Variants in SLC25A37 observed in about 807,000 individuals in gnomAD.
The protein encoded by SLC25A37 is solute carrier family 25 member 37, also known as mitoferrin-1.
In SLC25A37, 17 loss-of-function variants were observed where a neutral mutation model predicts 31.0. That is an observed-to-expected ratio of 0.55 (90% CI 0.38 to 0.82). SLC25A37 has a LOEUF of 0.82. SLC25A37 is among the 40% of genes least tolerant of loss of function. The pLI is 0.00. For missense variants in SLC25A37, 404 were observed against 465.8 expected (o/e 0.87, Z 1.22); for synonymous variants, 222 against 193.0 (o/e 1.15, Z -1.24).
chr8:23,566,814 G>A (rs1455208225), intron 2 of SLC25A37: 1 of 986,194 alleles, frequency 1.0e-6, no homozygotes, highest in Non-Finnish European at 1.2e-6. Context: ...GCTTTAAAAG[G>A]TCAAGAAGTT....
At chr8:23,544,656 G>A (rs1801988707) in intron 1 of SLC25A37, among the ~76,000 whole-genome samples, 1 of 152,170 alleles carries the variant, frequency 6.6e-6, no homozygotes, top group Non-Finnish European at 1.5e-5. Flanking sequence ...ATCTAGACCT[G>A]AAGGAGATGT....
intron 1 of SLC25A37, among the ~76,000 whole-genome samples, chr8:23,543,769 GTTT>G (rs371175307): frequency 0.03 from 4,528 of 151,918 alleles, 80 homozygotes; most frequent in South Asian, 0.051. Flanking sequence ...TCCTGACCTT[GTTT>G]TGATCTGCTT....
chr8:23,556,456 C>A (rs1166331384), intron 1 of SLC25A37, among the ~76,000 whole-genome samples: 2 of 151,968 alleles, frequency 1.3e-5, no homozygotes, highest in Admixed American at 6.6e-5. Context: ...GAATTCCTGG[C>A]AGCAAGTGAT....
intron 1 of SLC25A37, among the ~76,000 whole-genome samples, chr8:23,551,553 A>G (rs1802225213): frequency 6.6e-6 from 1 of 151,964 alleles, no homozygotes; most frequent in South Asian, 2.1e-4. Flanking sequence ...ATTGCTAAGA[A>G]TGACGTCTTT....
intron 1 of SLC25A37, among the ~76,000 whole-genome samples, chr8:23,544,558 G>T (rs1449160153): frequency 6.6e-6 from 1 of 152,148 alleles, no homozygotes; most frequent in Non-Finnish European, 1.5e-5. Flanking sequence ...TTCCTTTCAG[G>T]AGTGATGAGC....
At chr8:23,545,132 G>A (rs1460990600) in intron 1 of SLC25A37, among the ~76,000 whole-genome samples, 1 of 152,214 alleles carries the variant, frequency 6.6e-6, no homozygotes, top group African/African-American at 2.4e-5. Flanking sequence ...CCTGGTCCAG[G>A]TCACAACTTG....
chr8:23,568,296 G>T (rs1221651253), intron 2 of SLC25A37, 26 bp from the exon 3 acceptor site: 1 of 1,613,510 alleles, frequency 6.2e-7, no homozygotes, highest in Non-Finnish European at 8.5e-7. Context: ...ATCGCAGAGG[G>T]TAATTTTCTG....
intron 1 of SLC25A37, among the ~76,000 whole-genome samples, chr8:23,565,433 T>C (rs1470069278): frequency 1.3e-5 from 2 of 152,110 alleles, no homozygotes; most frequent in Non-Finnish European, 2.9e-5. Context: ...TGCTGCTGTG[T>C]CTGTGGAGTA....
At chr8:23,546,531 GTA>G (rs1251864600) in intron 1 of SLC25A37, among the ~76,000 whole-genome samples, 3,108 of 36,356 alleles carry the variant, frequency 0.085, 103 homozygotes, top group African/African-American at 0.11. Context: ...ATATATAGGT[GTA>G]TATATATATA....
chr8:23,566,304 T>G lies in SLC25A37; in HGVS notation c.407T>G (p.Phe136Cys), dbSNP rs1585202418. Residue 136 changes from phenylalanine (F) to cysteine (C), a missense_variant, in exon 2 of 4, where the codon TTC becomes TGC. This residue lies in a region of SLC25A37 where 243 missense variants were observed against 284.4 expected (regional missense o/e 0.85). Coordinates refer to ENST00000519973, the MANE Select transcript of SLC25A37 (RefSeq NM_016612.4). ...ATGAAAAGGACTTTAAATGACGTTT[T>G]CCACCACCAAGGAAACAGCCACCTA... ...ENMKRTLNDV[F>C]HHQGNSHLAN... is the part of the protein sequence containing the mutation. The G allele has an allele frequency of 6.3e-7, 1 of 1,594,320 alleles. No individual in the cohort carries two copies. The highest frequency in any genetic ancestry group is 2.3e-5 in the East Asian group (1 of 43,506).
At chr8:23,555,861 G>A (rs1054533457) in intron 1 of SLC25A37, among the ~76,000 whole-genome samples, 6 of 152,228 alleles carry the variant, frequency 3.9e-5, no homozygotes, top group African/African-American at 1.2e-4. Context: ...TGACCTGAAC[G>A]CTGAAGGAAG....
In SLC25A37 at chr8:23,529,526, T is replaced by TC; in HGVS notation, c.210+317dup. Among the ~76,000 whole-genome samples the TC allele has an allele frequency of 6.6e-6, 1 of 152,108 alleles. No individual in the cohort carries two copies. Among genetic ancestry groups the TC allele is most frequent in the African/African-American group, 2.4e-5 (1 of 41,532 alleles). ...CCGCTGGCTTCGGCGGCGACTGGGC[T>TC]CCCGGGGGACGCGATCGCTGAAGCT... On this transcript the variant is annotated intron_variant, in intron 1 of 3. Coordinates refer to ENST00000519973, the MANE Select transcript of SLC25A37 (RefSeq NM_016612.4). The surrounding 1 kb of genome is among the most constrained non-coding windows in gnomAD (Gnocchi z 4.1).
chr8:23,536,383 C>T (rs186498137), intron 1 of SLC25A37, among the ~76,000 whole-genome samples: 3 of 152,308 alleles, frequency 2.0e-5, no homozygotes, highest in Admixed American at 2.0e-4. Flanking sequence ...ACTGCCCAGC[C>T]GCAGCCTCAC....
intron 1 of SLC25A37, among the ~76,000 whole-genome samples, chr8:23,541,169 A>G (rs1202476872): frequency 6.6e-6 from 1 of 152,024 alleles, no homozygotes; most frequent in Non-Finnish European, 1.5e-5. Flanking sequence ...GGTAATGTAG[A>G]CAGGGGATAG....
chr8:23,534,359 A>G (rs1182897343), intron 1 of SLC25A37, among the ~76,000 whole-genome samples: 1 of 152,140 alleles, frequency 6.6e-6, no homozygotes, highest in Non-Finnish European at 1.5e-5. Context: ...TTGGGGTTCA[A>G]ATTCCAGTCT....
intron 1 of SLC25A37, among the ~76,000 whole-genome samples, chr8:23,554,053 GAT>G (rs10591568): frequency 0.47 from 70,527 of 151,522 alleles, 16,784 homozygotes; most frequent in African/African-American, 0.58. Flanking sequence ...CTTTGTGAGA[GAT>G]AGGATAGCCT....
At chr8:23,564,464 G>C (rs995689882) in intron 1 of SLC25A37, among the ~76,000 whole-genome samples, 2 of 151,064 alleles carry the variant, frequency 1.3e-5, no homozygotes, top group African/African-American at 2.4e-5. Flanking sequence ...ATGTGTGTTG[G>C]GGGGGAGTGG....
intron 1 of SLC25A37, among the ~76,000 whole-genome samples, chr8:23,537,214 A>C (rs1297660703): frequency 6.7e-6 from 1 of 150,228 alleles, no homozygotes; most frequent in African/African-American, 2.5e-5. Flanking sequence ...AAAAAAAAAA[A>C]TGAGATTACT....
At chr8:23,532,136 A>C (rs751457658) in intron 1 of SLC25A37, among the ~76,000 whole-genome samples, 27 of 152,178 alleles carry the variant, frequency 1.8e-4, no homozygotes, top group Non-Finnish European at 2.6e-4. Flanking sequence ...TGAGATTATG[A>C]AATGGGTATT....
Sources: gnomAD v4.1 joint callset for allele counts (sites outside exome capture counted in the v4.1 genomes callset) on GRCh38, gnomAD v4.1.1 for gene constraint, gnomAD v4.1.1 regional missense constraint, Gnocchi (gnomAD v3.1) non-coding constraint, MANE v1.5 for transcripts, NCBI Gene and HGNC (gene_info 2026-07-23, HGNC 2026-07-21) for gene names.